The following RBMS3 variants were observed in gnomAD, a reference collection of about 807,000 sequenced individuals.
RBMS3 encodes RNA-binding motif, single-stranded-interacting protein 3.
RBMS3 carries 27 observed loss-of-function variants against 66.8 expected under a neutral mutation model. The ratio of observed to expected loss-of-function variants is 0.40; its 90% CI spans 0.30 to 0.56. RBMS3 has a LOEUF of 0.56. Among genes scored for constraint, RBMS3 ranks in the 20% least tolerant of loss-of-function variants. The pLI is 0.40. For synonymous variants in RBMS3, 188 were observed against 183.0 expected (o/e 1.03, Z -0.22); for missense variants, 513 against 549.5 (o/e 0.93, Z 0.66).
chr3:29,725,807 A>G (rs953522118), intron 4 of RBMS3, among the ~76,000 whole-genome samples: 2 of 152,188 alleles, frequency 1.3e-5, no homozygotes, highest in African/African-American at 2.4e-5. Context: ...CCATTGTTTC[A>G]GAAACTATTC....
chr3:29,346,560 T>C (rs760180650), intron 1 of RBMS3, among the ~76,000 whole-genome samples: 3 of 151,888 alleles, frequency 2.0e-5, no homozygotes, highest in Non-Finnish European at 2.9e-5. Flanking sequence ...CCGACCACCA[T>C]GCCCAGCTAA....
intron 3 of RBMS3, among the ~76,000 whole-genome samples, chr3:29,522,553 C>T (rs1309789087): frequency 2.0e-5 from 3 of 152,016 alleles, no homozygotes; most frequent in African/African-American, 7.2e-5. Flanking sequence ...TGCTACCAAT[C>T]CTAGGTCTAG....
chr3:29,721,032 G>T (rs2053621644), intron 4 of RBMS3, among the ~76,000 whole-genome samples: 1 of 152,180 alleles, frequency 6.6e-6, no homozygotes, highest in Non-Finnish European at 1.5e-5. Context: ...TACAGCCTAT[G>T]AATTTCAAAA....
At chr3:29,509,202 C>A (rs187887878) in intron 3 of RBMS3, among the ~76,000 whole-genome samples, 1 of 152,134 alleles carries the variant, frequency 6.6e-6, no homozygotes, top group Non-Finnish European at 1.5e-5. Context: ...AATGAGCAAC[C>A]TATGTGGCCA....
intron 4 of RBMS3, among the ~76,000 whole-genome samples, chr3:29,648,539 C>G (rs1702850660): frequency 6.6e-6 from 1 of 151,910 alleles, no homozygotes; most frequent in South Asian, 2.1e-4. Context: ...TCCCAAAGTG[C>G]CGAGATTACA....
chr3:29,579,567 C>T (rs2092349383), intron 3 of RBMS3, among the ~76,000 whole-genome samples: 1 of 152,146 alleles, frequency 6.6e-6, no homozygotes, highest in African/African-American at 2.4e-5. Flanking sequence ...TCATAGCCCA[C>T]TTTTGTCATA....
At chr3:29,486,715 A>G (rs764672004) in intron 2 of RBMS3, among the ~76,000 whole-genome samples, 63 of 152,150 alleles carry the variant, frequency 4.1e-4, no homozygotes, top group Non-Finnish European at 7.4e-4. Context: ...TATGCATGCC[A>G]TTGACTATTG....
intron 1 of RBMS3, among the ~76,000 whole-genome samples, chr3:29,331,813 T>A (rs986950124): frequency 8.6e-6 from 1 of 116,272 alleles, no homozygotes; most frequent in African/African-American, 3.5e-5. Flanking sequence ...CCAGGATAGC[T>A]CCTTTTTTTT....
intron 6 of RBMS3, among the ~76,000 whole-genome samples, chr3:29,817,348 C>T (rs1184811753): frequency 4.0e-5 from 6 of 151,856 alleles, no homozygotes; most frequent in Admixed American, 6.6e-5. Flanking sequence ...GGATTACAGG[C>T]GTCCACCACC....
At chr3:29,482,697 CTTTCTTTTTTTTT>C (rs2043171646) in intron 2 of RBMS3, among the ~76,000 whole-genome samples, 1 of 92,928 alleles carries the variant, frequency 1.1e-5, no homozygotes, top group Admixed American at 1.4e-4. Context: ...TTCTTTCTTT[CTTTCTTTTTTTTT>C]TTTTTTTTTT....
chr3:29,511,673 A>G (rs1026470201), intron 3 of RBMS3, among the ~76,000 whole-genome samples: 7 of 152,280 alleles, frequency 4.6e-5, no homozygotes, highest in African/African-American at 1.7e-4. Context: ...TCATAGGACC[A>G]TCATACATAA....
At chr3:29,907,737 G>T (rs1017591133) in intron 10 of RBMS3, among the ~76,000 whole-genome samples, 1 of 151,878 alleles carries the variant, frequency 6.6e-6, no homozygotes. Context: ...GCTTTATAAA[G>T]TTAATTTGGA....
At chr3:29,842,770 A>G (rs1272951496) in intron 6 of RBMS3, among the ~76,000 whole-genome samples, 1 of 152,204 alleles carries the variant, frequency 6.6e-6, no homozygotes, top group Non-Finnish European at 1.5e-5. Context: ...AGAAGATCAG[A>G]GTTAGCAGTA....
intron 3 of RBMS3, among the ~76,000 whole-genome samples, chr3:29,578,851 G>GACTGCAGTGGCGCAATCTCGGCTC (rs2047223049): frequency 4.0e-5 from 5 of 125,380 alleles, no homozygotes; most frequent in Admixed American, 3.4e-4. Context: ...TCGGACTGCG[G>GACTGCAGTGGCGCAATCTCGGCTC]ACTGCAGTGG....
intron 10 of RBMS3, chr3:29,934,141 C>A (rs1034225889): frequency 6.6e-6 from 1 of 152,042 alleles, no homozygotes; most frequent in Non-Finnish European, 1.5e-5. Context: ...GTGGCTAGAG[C>A]AAGCTGTTTA....
intron 14 of RBMS3, among the ~76,000 whole-genome samples, chr3:29,999,328 G>C (rs1437628031): frequency 6.6e-6 from 1 of 152,206 alleles, no homozygotes; most frequent in Non-Finnish European, 1.5e-5. Flanking sequence ...CTGTAAACTA[G>C]TTCAAACATT....
chr3:29,707,751 T>G (rs2149301328), intron 4 of RBMS3, among the ~76,000 whole-genome samples: 1 of 152,366 alleles, frequency 6.6e-6, no homozygotes, highest in African/African-American at 2.4e-5. Flanking sequence ...GGACAATTTC[T>G]TACTGCGTTT....
intron 4 of RBMS3, chr3:29,615,274 T>G (rs1001891630): frequency 6.6e-6 from 1 of 152,170 alleles, no homozygotes; most frequent in African/African-American, 2.4e-5. Context: ...CAAACAACTG[T>G]GGAAGATGAG....
chr3:29,940,878 C>T (rs2061378605), intron 11 of RBMS3, among the ~76,000 whole-genome samples: 1 of 151,748 alleles, frequency 6.6e-6, no homozygotes, highest in Middle Eastern at 3.2e-3. Context: ...ACAGCATTCC[C>T]TTGATGGAAC....
Sources: gnomAD v4.1 joint callset for allele counts (sites outside exome capture counted in the v4.1 genomes callset) on GRCh38, gnomAD v4.1.1 for gene constraint, MANE v1.5 for transcripts, NCBI Gene and HGNC (gene_info 2026-07-23, HGNC 2026-07-21) for gene names.